Variants in ZRANB3 observed in about 807,000 individuals in gnomAD.
The protein encoded by ZRANB3 is zinc finger RANBP2-type containing 3.
A neutral mutation model predicts 133.8 loss-of-function variants in ZRANB3; 125 were observed. The ratio of observed to expected loss-of-function variants is 0.93; its 90% CI spans 0.81 to 1.08. The LOEUF (loss-of-function observed/expected upper bound fraction) is 1.08, where lower values mean the gene tolerates loss of function less well. Ranked by LOEUF, ZRANB3 falls within the 50% of genes least tolerant of loss-of-function variation. The pLI is 0.00. For missense variants in ZRANB3, 1,229 were observed against 1,275.5 expected (o/e 0.96, Z 0.56); for synonymous variants, 387 against 432.7 (o/e 0.89, Z 1.31).
chr2:135,473,614 T>C, intron 2 of ZRANB3, among the ~76,000 whole-genome samples: 1 of 152,128 alleles, frequency 6.6e-6, no homozygotes, highest in Non-Finnish European at 1.5e-5. Context: ...TGTGTTTTCA[T>C]AATAGTGTAT....
At chr2:135,362,436 G>A (rs926752477) in intron 3 of ZRANB3, among the ~76,000 whole-genome samples, 9 of 152,270 alleles carry the variant, frequency 5.9e-5, no homozygotes, top group African/African-American at 2.2e-4. Context: ...GGGAACAGAG[G>A]AAGGCAGAAA....
chr2:135,497,344 A>G (rs1457169900), intron 2 of ZRANB3, among the ~76,000 whole-genome samples: 1 of 152,232 alleles, frequency 6.6e-6, no homozygotes, highest in African/African-American at 2.4e-5. Context: ...TATTTATTAT[A>G]AAGCTACGCT....
intron 2 of ZRANB3, among the ~76,000 whole-genome samples, chr2:135,437,218 A>G (rs955355213): frequency 1.3e-5 from 2 of 152,176 alleles, no homozygotes; most frequent in African/African-American, 4.8e-5. Flanking sequence ...TCAACCTCCC[A>G]AAGTGCTGGG....
chr2:135,234,456 TATAGA>T (rs1476501595), intron 12 of ZRANB3, among the ~76,000 whole-genome samples: 2 of 152,204 alleles, frequency 1.3e-5, no homozygotes, highest in African/African-American at 4.8e-5. Context: ...AACAGACATC[TATAGA>T]ACTCTCCACC....
intron 3 of ZRANB3, among the ~76,000 whole-genome samples, chr2:135,357,994 G>C (rs749690613): frequency 6.6e-6 from 1 of 152,140 alleles, no homozygotes; most frequent in Admixed American, 6.6e-5. Flanking sequence ...TTTACTCATT[G>C]TTGCCCTTAT....
At chr2:135,484,645 AAGAT>A (rs57806726) in intron 2 of ZRANB3, among the ~76,000 whole-genome samples, 6,775 of 151,666 alleles carry the variant, frequency 0.045, 498 homozygotes, top group African/African-American at 0.16. Flanking sequence ...GCAAAACAAA[AAGAT>A]AGGTTACCAA....
At chr2:135,384,843 T>G (rs1227077458) in intron 3 of ZRANB3, among the ~76,000 whole-genome samples, 1 of 152,164 alleles carries the variant, frequency 6.6e-6, no homozygotes, top group Non-Finnish European at 1.5e-5. Flanking sequence ...GGGATGTATC[T>G]CAAAATAATA....
intron 1 of ZRANB3, among the ~76,000 whole-genome samples, chr2:135,518,443 A>T (rs1468406844): frequency 2.0e-5 from 3 of 152,144 alleles, no homozygotes; most frequent in African/African-American, 7.2e-5. Flanking sequence ...GGAAAAGCAT[A>T]GTATCTGGGC....
chr2:135,236,691 G>A (rs536672652), intron 12 of ZRANB3, among the ~76,000 whole-genome samples: 54 of 152,232 alleles, frequency 3.5e-4, no homozygotes, highest in Non-Finnish European at 6.8e-4. Flanking sequence ...AATGGGGAAA[G>A]GATTCCCTAT....
At chr2:135,277,929 A>C (rs1430566977) in intron 8 of ZRANB3, among the ~76,000 whole-genome samples, 2 of 150,686 alleles carry the variant, frequency 1.3e-5, no homozygotes, top group East Asian at 1.9e-4. Flanking sequence ...TCTCAAAAAA[A>C]AAACAAAAAA....
intron 2 of ZRANB3, among the ~76,000 whole-genome samples, chr2:135,502,184 CAAAAAACATAAT>C (rs1054733815): frequency 1.3e-5 from 2 of 151,910 alleles, no homozygotes; most frequent in Non-Finnish European, 2.9e-5. Context: ...TTCCATTTGC[CAAAAAACATAAT>C]AAAAAATTTC....
At chr2:135,319,834 C>T (rs1421014680) in intron 6 of ZRANB3, among the ~76,000 whole-genome samples, 1 of 152,104 alleles carries the variant, frequency 6.6e-6, no homozygotes, top group African/African-American at 2.4e-5. Flanking sequence ...TCTTCTTAGC[C>T]TGATCCCAAC....
At chr2:135,466,702 G>C (rs1691017392) in intron 2 of ZRANB3, among the ~76,000 whole-genome samples, 1 of 150,980 alleles carries the variant, frequency 6.6e-6, no homozygotes. Flanking sequence ...TTTGAGACAG[G>C]GTTTCACTCT....
chr2:135,317,825 G>A (rs976594227), intron 6 of ZRANB3, among the ~76,000 whole-genome samples: 1 of 152,034 alleles, frequency 6.6e-6, no homozygotes, highest in African/African-American at 2.4e-5. Flanking sequence ...ATGGTTCAGA[G>A]GAATTATTTC....
intron 3 of ZRANB3, among the ~76,000 whole-genome samples, chr2:135,371,854 C>T (rs1295279155): frequency 6.6e-6 from 1 of 152,020 alleles, no homozygotes; most frequent in Non-Finnish European, 1.5e-5. Context: ...AGGGTGGGGC[C>T]CTCATGAACC....
intron 19 of ZRANB3, 141 bp from the exon 20 acceptor site, chr2:135,203,104 T>A (rs1693691326): frequency 1.0e-6 from 1 of 1,000,988 alleles, no homozygotes; most frequent in African/African-American, 1.6e-5. Flanking sequence ...TAGCTTTTAT[T>A]GTGAGTAGAA....
chr2:135,262,489 G>T (rs1318943515), intron 12 of ZRANB3, among the ~76,000 whole-genome samples: 2 of 151,916 alleles, frequency 1.3e-5, no homozygotes, highest in Admixed American at 6.6e-5. Context: ...ACCTCAAAAA[G>T]ACTAGAAGGC....
chr2:135,511,723 T>G (rs1202512115), intron 1 of ZRANB3: 1 of 765,688 alleles, frequency 1.3e-6, no homozygotes, highest in African/African-American at 1.7e-5. Context: ...AATCTTGGTG[T>G]GGCAGTTGCT....
At chr2:135,315,880 T>TC (rs1387269590) in intron 6 of ZRANB3, among the ~76,000 whole-genome samples, 1 of 152,176 alleles carries the variant, frequency 6.6e-6, no homozygotes, top group Non-Finnish European at 1.5e-5. Flanking sequence ...AGCAGATCTA[T>TC]CCATAAAGTA....
Sources: gnomAD v4.1 joint callset for allele counts (sites outside exome capture counted in the v4.1 genomes callset) on GRCh38, gnomAD v4.1.1 for gene constraint, MANE v1.5 for transcripts, NCBI Gene and HGNC (gene_info 2026-07-23, HGNC 2026-07-21) for gene names.